TMEM132D: variants seen among roughly 807,000 people sequenced by gnomAD.
TMEM132D encodes the protein mature OL transmembrane protein.
In TMEM132D, 21 loss-of-function variants were observed where a neutral mutation model predicts 62.3. That is an observed-to-expected ratio of 0.34 (90% CI 0.24 to 0.49). The LOEUF (loss-of-function observed/expected upper bound fraction) is 0.49. Ranked by LOEUF, TMEM132D falls within the 20% of genes least tolerant of loss-of-function variation. TMEM132D has a pLI of 0.99. For missense variants in TMEM132D, 1,346 were observed against 1,402.8 expected (o/e 0.96, Z 0.65); for synonymous variants, 621 against 575.6 (o/e 1.08, Z -1.13).
At chr12:129,342,915 G>C (rs1869543987) in intron 3 of TMEM132D, among the ~76,000 whole-genome samples, 1 of 152,180 alleles carries the variant, frequency 6.6e-6, no homozygotes, top group South Asian at 2.1e-4. Flanking sequence ...TCATTAGAAA[G>C]TCAGGAAACA....
intron 5 of TMEM132D, among the ~76,000 whole-genome samples, chr12:129,195,847 C>A (rs1878533383): frequency 6.6e-6 from 1 of 152,082 alleles, no homozygotes; most frequent in African/African-American, 2.4e-5. Flanking sequence ...TTTACGGGGG[C>A]CAGGTGCAGT....
chr12:129,812,380 C>T (rs1872213353), intron 1 of TMEM132D, among the ~76,000 whole-genome samples: 2 of 151,888 alleles, frequency 1.3e-5, no homozygotes, highest in South Asian at 2.1e-4. Context: ...TGGGTTATCT[C>T]GTGGACATCT....
intron 1 of TMEM132D, among the ~76,000 whole-genome samples, chr12:129,854,276 G>A (rs776843874): frequency 4.6e-5 from 7 of 152,122 alleles, no homozygotes; most frequent in Non-Finnish European, 8.8e-5. Context: ...TTTCACTCTT[G>A]AAATTCTCAC....
At chr12:129,537,160 A>AAAAT (rs1444539678) in intron 2 of TMEM132D, among the ~76,000 whole-genome samples, 1 of 151,110 alleles carries the variant, frequency 6.6e-6, no homozygotes, top group East Asian at 1.9e-4. Context: ...ACTCTGTCTA[A>AAAAT]AAAAAAAAAA....
rs1344767869 is a variant in TMEM132D, at chr12:129,628,493, G to C, written c.968+71317C>G. On this transcript the variant is annotated intron_variant, in intron 2 of 8. Coordinates refer to ENST00000422113, the MANE Select transcript of TMEM132D (RefSeq NM_133448.3). ...ACCATTAGGCAGGAAGGCTTGCCCA[G>C]ACATTCTCTTGCTTCTTCTTCATTC... Among the ~76,000 whole-genome samples the C allele has an allele frequency of 3.3e-5, 5 of 152,304 alleles. 1 individual carries two copies. In the East Asian group the frequency reaches 9.7e-4, roughly 29 times the overall value.
At chr12:129,287,216 A>G (rs1316407349) in intron 4 of TMEM132D, among the ~76,000 whole-genome samples, 1 of 152,234 alleles carries the variant, frequency 6.6e-6, no homozygotes, top group Non-Finnish European at 1.5e-5. Context: ...TGAACTGATG[A>G]ATCCGGGATA....
intron 1 of TMEM132D, among the ~76,000 whole-genome samples, chr12:129,800,675 G>A (rs1383137083): frequency 6.6e-6 from 1 of 152,124 alleles, no homozygotes; most frequent in African/African-American, 2.4e-5. Flanking sequence ...ACTAGAACGT[G>A]ATTTGCCTGT....
chr12:129,672,561 G>T (rs147453476), intron 2 of TMEM132D, among the ~76,000 whole-genome samples: 1 of 152,204 alleles, frequency 6.6e-6, no homozygotes, highest in African/African-American at 2.4e-5. Flanking sequence ...GAGCCTGTAC[G>T]TTTGAGGATG....
At chr12:129,865,660 G>C (rs868599135) in intron 1 of TMEM132D, among the ~76,000 whole-genome samples, 1 of 152,162 alleles carries the variant, frequency 6.6e-6, no homozygotes, top group African/African-American at 2.4e-5. Context: ...GGGGAGCAAG[G>C]GTGTTCAGTC....
At chr12:129,600,302 C>T (rs1310545399) in intron 2 of TMEM132D, among the ~76,000 whole-genome samples, 2 of 152,156 alleles carry the variant, frequency 1.3e-5, no homozygotes, top group Non-Finnish European at 2.9e-5. Context: ...ATTCAGTCAC[C>T]TCTTGAGGCT....
intron 2 of TMEM132D, among the ~76,000 whole-genome samples, chr12:129,686,552 A>G (rs2137212968): frequency 1.3e-5 from 2 of 152,320 alleles, no homozygotes; most frequent in Middle Eastern, 6.8e-3. Flanking sequence ...AGTTCTTTAT[A>G]GCAGCATGAG....
At chr12:129,884,025 G>A (rs547756253) in intron 1 of TMEM132D, among the ~76,000 whole-genome samples, 1 of 152,104 alleles carries the variant, frequency 6.6e-6, no homozygotes, top group Non-Finnish European at 1.5e-5. Context: ...TCAACCTCCT[G>A]AGCTAAAGCG....
chr12:129,526,193 C>A (rs1172606202), intron 3 of TMEM132D, among the ~76,000 whole-genome samples: 3 of 152,090 alleles, frequency 2.0e-5, no homozygotes, highest in African/African-American at 7.2e-5. Context: ...ATGCTTTTTT[C>A]ATCATCCTAT....
At chr12:129,462,937 C>T (rs1873730446) in intron 3 of TMEM132D, among the ~76,000 whole-genome samples, 1 of 152,080 alleles carries the variant, frequency 6.6e-6, no homozygotes, top group East Asian at 1.9e-4. Flanking sequence ...GTTCTTTTGC[C>T]TGAGACTCAA....
chr12:129,265,890 TC>T (rs887283921), intron 4 of TMEM132D, among the ~76,000 whole-genome samples: 4 of 152,040 alleles, frequency 2.6e-5, no homozygotes, highest in African/African-American at 9.7e-5. Flanking sequence ...GTAGCACACA[TC>T]CCTCACAGGA....
At chr12:129,452,146 G>A (rs1243239380) in intron 3 of TMEM132D, among the ~76,000 whole-genome samples, 2 of 152,178 alleles carry the variant, frequency 1.3e-5, no homozygotes, top group Middle Eastern at 3.2e-3. Flanking sequence ...CCTTTACACC[G>A]TTCCATCTGG....
At chr12:129,305,341 T>C (rs1159478121) in intron 4 of TMEM132D, among the ~76,000 whole-genome samples, 1 of 152,204 alleles carries the variant, frequency 6.6e-6, no homozygotes. Flanking sequence ...TATACACATC[T>C]GATATTTAGG....
chr12:129,642,281 T>A (rs1027380946), intron 2 of TMEM132D, among the ~76,000 whole-genome samples: 1 of 152,226 alleles, frequency 6.6e-6, no homozygotes, highest in African/African-American at 2.4e-5. Flanking sequence ...CTAAAAACAG[T>A]ATCATCAGAT....
intron 2 of TMEM132D, among the ~76,000 whole-genome samples, chr12:129,541,898 C>A (rs1206786184): frequency 6.6e-6 from 1 of 152,168 alleles, no homozygotes; most frequent in South Asian, 2.1e-4. Flanking sequence ...TAAAATTTTA[C>A]CCCTTTTCCA....
Sources: allele counts gnomAD v4.1 joint callset (sites outside exome capture counted in the v4.1 genomes callset), GRCh38; gene constraint gnomAD v4.1.1; transcripts MANE v1.5; gene names NCBI Gene and HGNC (gene_info 2026-07-23, HGNC 2026-07-21).